FKBP5: variants seen among roughly 807,000 people sequenced by gnomAD.
FKBP5 encodes the protein peptidyl-prolyl cis-trans isomerase FKBP5.
In FKBP5, 23 loss-of-function variants were observed where a neutral mutation model predicts 50.5. The observed-to-expected ratio is 0.46, with a 90% confidence interval of 0.33 to 0.65. The LOEUF (loss-of-function observed/expected upper bound fraction) is 0.65. Among genes scored for constraint, FKBP5 ranks in the 30% least tolerant of loss-of-function variants. The probability of loss-of-function intolerance (pLI) is 0.02; values close to 1 mark genes in which losing one functional copy is unlikely to be tolerated. For missense variants in FKBP5, 411 were observed against 553.1 expected (o/e 0.74, Z 2.58); for synonymous variants, 176 against 190.6 (o/e 0.92, Z 0.63).
rs1234955142 is a variant in FKBP5 at position 35,574,682 on chromosome 6, A to G, written c.*1153T>C. ...GTGAAACCCCTAGTGTAGAAGAGCA[A>G]CTATTTATTTGTCAACCCTACAGAT... On this transcript the variant is annotated 3_prime_UTR_variant, in exon 11 of 11. Transcript: ENST00000357266. 6.6e-6 allele frequency: 1 copy of G among 152,618 alleles called. No homozygotes were observed. Among genetic ancestry groups the G allele is most frequent in the East Asian group, 1.9e-4 (1 of 5,202 alleles). 9.5% of individuals were successfully genotyped at this position (152,618 alleles called of 1,614,324 possible). A position where few individuals can be genotyped will look rare whatever the true frequency, so the allele number is the denominator to read the frequency against.
intron 1 of FKBP5, among the ~76,000 whole-genome samples, chr6:35,660,670 A>C (rs1319019628): frequency 1.2e-5 from 1 of 83,312 alleles, no homozygotes; most frequent in Non-Finnish European, 2.7e-5. Flanking sequence ...ATTGGGTAGA[A>C]TACTATGTAA....
chr6:35,696,453 A>G (rs1321046471), intron 2 of FKBP5, among the ~76,000 whole-genome samples: 4 of 150,852 alleles, frequency 2.7e-5, no homozygotes, highest in African/African-American at 9.8e-5. Flanking sequence ...TGGAGGCTGC[A>G]GTAAACTGAG....
chr6:35,616,052 C>T (rs1343493824), intron 5 of FKBP5, among the ~76,000 whole-genome samples: 2 of 152,146 alleles, frequency 1.3e-5, no homozygotes, highest in Non-Finnish European at 2.9e-5. Flanking sequence ...GTGGCTCATG[C>T]CTGTAATCCC....
At chr6:35,597,957 T>C (rs1763027934) in intron 5 of FKBP5, among the ~76,000 whole-genome samples, 2 of 152,116 alleles carry the variant, frequency 1.3e-5, no homozygotes, top group South Asian at 4.1e-4. Flanking sequence ...GACAACAACA[T>C]CAATAACTAT....
At chr6:35,584,970 C>CCAT in intron 8 of FKBP5, 1 of 985,372 alleles carries the variant, frequency 1.0e-6, no homozygotes. Flanking sequence ...CTAATTCTGG[C>CCAT]CATCTCTCTG....
At chr6:35,667,009 GTGTGTGTGTC>G (rs869031069) in intron 1 of FKBP5, among the ~76,000 whole-genome samples, 22 of 121,212 alleles carry the variant, frequency 1.8e-4, no homozygotes, top group Admixed American at 8.1e-4. Context: ...CACTTGTTTT[GTGTGTGTGTC>G]TGTGTGTGTG....
intron 8 of FKBP5, chr6:35,586,329 T>C (rs577733938): frequency 2.6e-5 from 26 of 985,134 alleles, no homozygotes; most frequent in Non-Finnish European, 3.1e-5. Flanking sequence ...TTCAGGAATA[T>C]CCGGAGATTC....
intron 5 of FKBP5, among the ~76,000 whole-genome samples, chr6:35,613,496 G>T (rs1011911746): frequency 1.3e-5 from 2 of 152,168 alleles, no homozygotes; most frequent in Non-Finnish European, 2.9e-5. Flanking sequence ...GATTACAGGC[G>T]TGAGCCACCG....
At chr6:35,584,675 A>G in intron 8 of FKBP5, 1 of 985,466 alleles carries the variant, frequency 1.0e-6, no homozygotes, top group African/African-American at 1.7e-5. Context: ...GGAAGTTTTT[A>G]GTGGTACAAA....
chr6:35,628,701 C>T (rs1032157126), intron 3 of FKBP5, among the ~76,000 whole-genome samples: 5 of 151,846 alleles, frequency 3.3e-5, no homozygotes, highest in Admixed American at 1.3e-4. Context: ...ATACCTTTTC[C>T]TCATATATTT....
At chr6:35,654,561 C>G (rs1764896804) in intron 1 of FKBP5, among the ~76,000 whole-genome samples, 1 of 152,184 alleles carries the variant, frequency 6.6e-6, no homozygotes, top group South Asian at 2.1e-4. Context: ...GTTTTACCCC[C>G]TGAAGCAACC....
At chr6:35,687,709 C>T (rs1465177111) in intron 1 of FKBP5, among the ~76,000 whole-genome samples, 2 of 152,170 alleles carry the variant, frequency 1.3e-5, no homozygotes, top group African/African-American at 4.8e-5. Context: ...TCCAAAACCA[C>T]GAGCTCAAAC....
At chr6:35,635,034 A>C (rs1764269497) in intron 3 of FKBP5, among the ~76,000 whole-genome samples, 1 of 150,776 alleles carries the variant, frequency 6.6e-6, no homozygotes, top group African/African-American at 2.5e-5. Context: ...TACAAAAAAA[A>C]AAAAAAAAAA....
In FKBP5 at chr6:35,683,075, GCT is replaced by G. The variant is rs1206416112; in HGVS notation, c.-20+5727_-20+5728del. ...AAAAGTATAGAAATATATATCCCAAGCTCTTTCTTTAAAAAAAAAAGTGTGTG... is the reference window on the plus strand; with the variant it reads ...AAAAGTATAGAAATATATATCCCAAGCTTTCTTTAAAAAAAAAAGTGTGTG... On this transcript the variant is annotated intron_variant, in intron 1 of 10. Transcript: ENST00000357266. Among the ~76,000 whole-genome samples the G allele has an allele frequency of 1.3e-4, 19 of 146,098 alleles. 1 individual carries two copies. The East Asian group carries it at 2.6e-3, about 20-fold the overall frequency.
At chr6:35,629,916 G>C (rs1764103258) in intron 3 of FKBP5, among the ~76,000 whole-genome samples, 1 of 152,132 alleles carries the variant, frequency 6.6e-6, no homozygotes, top group Admixed American at 6.5e-5. Context: ...TAGCCTAAAA[G>C]CTTTCCTTAA....
intron 3 of FKBP5, among the ~76,000 whole-genome samples, chr6:35,620,995 A>C (rs1763815713): frequency 1.3e-5 from 2 of 150,836 alleles, no homozygotes; most frequent in Non-Finnish European, 3.0e-5. Flanking sequence ...TAGACAAAAA[A>C]AACAACAAAA....
chr6:35,615,155 T>TACACACACAC (rs34301531), intron 5 of FKBP5, among the ~76,000 whole-genome samples: 9,181 of 143,390 alleles, frequency 0.064, 390 homozygotes, highest in Admixed American at 0.11. Context: ...CAACAACAAC[T>TACACACACAC]ACACACACAC....
chr6:35,591,289 T>C, intron 6 of FKBP5, 69 bp from the exon 7 acceptor site: 1 of 1,065,114 alleles, frequency 9.4e-7, no homozygotes, highest in Non-Finnish European at 1.4e-6. Context: ...CTTCAGTATT[T>C]TGAGGCATCA....
chr6:35,711,625 A>G (rs28840720), intron 2 of FKBP5, among the ~76,000 whole-genome samples: 2,927 of 148,738 alleles, frequency 0.02, 84 homozygotes, highest in African/African-American at 0.069. Context: ...TTCAAAAAAA[A>G]GGAGAGGAGA....
Sources: allele counts gnomAD v4.1 joint callset (sites outside exome capture counted in the v4.1 genomes callset), GRCh38; gene constraint gnomAD v4.1.1; transcripts MANE v1.5; gene names NCBI Gene and HGNC (gene_info 2026-07-23, HGNC 2026-07-21).